Variants in ICE1 observed in about 807,000 individuals in gnomAD.
ICE1 encodes the protein interactor of little elongation complex ELL subunit 1, also known as little elongation complex subunit 1.
ICE1 carries 64 observed loss-of-function variants against 192.7 expected under a neutral mutation model. That is an observed-to-expected ratio of 0.33 (90% CI 0.27 to 0.41). ICE1 has a LOEUF of 0.41. ICE1 is among the 10% of genes least tolerant of loss of function. The pLI is 1.00. For missense variants in ICE1, 2,708 were observed against 2,696.0 expected, an observed-to-expected ratio of 1.00 and a Z score of -0.10; for synonymous variants, 1,010 against 984.5, an observed-to-expected ratio of 1.03 and a Z score of -0.49.
At chr5:5,428,928 C>T (rs989524372) in intron 1 of ICE1, among the ~76,000 whole-genome samples, 3 of 152,168 alleles carry the variant, frequency 2.0e-5, no homozygotes, top group African/African-American at 7.2e-5. Flanking sequence ...GTTGGAGTCC[C>T]TAAGACCATG....
chr5:5,427,953 CCT>C (rs1485624506), intron 1 of ICE1, among the ~76,000 whole-genome samples: 1 of 152,124 alleles, frequency 6.6e-6, no homozygotes, highest in African/African-American at 2.4e-5. Context: ...AATTGTGCCA[CCT>C]CTCTGAAGGC....
At position 5,464,466 on chromosome 5, in the gene ICE1, C is replaced by T. The variant is rs764708923; in HGVS notation, c.5132C>T (p.Pro1711Leu). The change falls in exon 13 of 19, where the codon CCG (proline) becomes CTG (leucine). Residue 1711 changes from proline (P) to leucine (L), a missense_variant. Around this residue, in one of 2 missense-constraint regions of ICE1, gnomAD observed 2,366 missense variants for 2,276.6 expected, o/e 1.04. Coordinates refer to ENST00000296564, the MANE Select transcript of ICE1 (RefSeq NM_015325.3). This position sits in a 1 kb window ranked among gnomAD's most constrained non-coding sequence, Gnocchi z 4.0. ...SAASASERVV[P>L]SPLQFCAATP... ...GCTTCAGCCAGTGAGAGGGTAGTGC[C>T]GTCTCCTCTGCAGTTCTGTGCGGCC... 30 of 1,613,846 alleles carry T rather than the reference C, an allele frequency of 1.9e-5. No individual in the cohort carries two copies. In the East Asian group the frequency reaches 5.1e-4, roughly 28 times the overall value.
At chr5:5,432,341 ATGT>A (rs1390955827) in intron 1 of ICE1, among the ~76,000 whole-genome samples, 1 of 152,230 alleles carries the variant, frequency 6.6e-6, no homozygotes, top group African/African-American at 2.4e-5. Context: ...AGGTTGGTCC[ATGT>A]TGTAGCATGT....
In ICE1 at chr5:5,422,973, T is replaced by C. The variant is rs1053835298; in HGVS notation, c.58T>C (p.Cys20Arg). The C allele has an allele frequency of 6.9e-6, 10 of 1,454,654 alleles. No individual in the cohort carries two copies. Among genetic ancestry groups the C allele is most frequent in the Non-Finnish European group, 9.0e-6 (10 of 1,105,836 alleles). The allele number at this position is 1,454,654 out of a possible 1,614,324, so 90.1% of individuals were successfully genotyped here. The change falls in exon 1 of 19, where the codon TGT becomes CGT. Residue 20 changes from cysteine to arginine, a missense_variant. Around this residue, in one of 2 missense-constraint regions of ICE1, gnomAD observed 2,366 missense variants for 2,276.6 expected, o/e 1.04. Transcript: ENST00000296564. Reference protein sequence around the residue: ...APGTAADLSRCQGCASLQQNL... With the variant: ...APGTAADLSRRQGCASLQQNL... ...CGGGACGGCGGCGGACCTGTCGCGA[T>C]GTCAGGGCTGCGCCTCTCTGCAGCA...
At chr5:5,433,013 G>C (rs1262406204) in intron 1 of ICE1, among the ~76,000 whole-genome samples, 1 of 152,124 alleles carries the variant, frequency 6.6e-6, no homozygotes, top group Admixed American at 6.5e-5. Flanking sequence ...GCCATTTATT[G>C]ATTGAAGAAT....
chr5:5,474,209 CAAAA>C (rs199608820), intron 16 of ICE1, among the ~76,000 whole-genome samples: 44 of 120,590 alleles, frequency 3.6e-4, no homozygotes, highest in Non-Finnish European at 5.7e-4. Flanking sequence ...GACTTCATCT[CAAAA>C]AAAAAAAAAA....
At chr5:5,485,034 G>C (rs750459001) in intron 17 of ICE1, among the ~76,000 whole-genome samples, 1 of 151,992 alleles carries the variant, frequency 6.6e-6, no homozygotes, top group Non-Finnish European at 1.5e-5. Context: ...GAGTGTAGGG[G>C]AATGGGGGGA....
chr5:5,452,544 A>T (rs530887472), intron 10 of ICE1, among the ~76,000 whole-genome samples: 5 of 152,080 alleles, frequency 3.3e-5, no homozygotes, highest in African/African-American at 1.2e-4. Context: ...GTACATAAAC[A>T]TGTTCCTGGA....
chr5:5,435,232 A>T (rs1297363090), intron 1 of ICE1, among the ~76,000 whole-genome samples: 1 of 152,236 alleles, frequency 6.6e-6, no homozygotes, highest in East Asian at 1.9e-4. Flanking sequence ...TTTTTGACAG[A>T]TGGTGAGATT....
chr5:5,435,687 T>TTG (rs1737853747), intron 1 of ICE1, among the ~76,000 whole-genome samples: 4 of 114,444 alleles, frequency 3.5e-5, no homozygotes, highest in African/African-American at 1.6e-4. Context: ...TGTTTTTGTT[T>TTG]TTTTTTTCGA....
chr5:5,464,611 A>C lies in ICE1; in HGVS notation c.5277A>C (p.Leu1759Phe). 1 of 1,612,034 alleles carries C rather than the reference A, an allele frequency of 6.2e-7. No homozygotes were observed. Among genetic ancestry groups the C allele is most frequent in the Non-Finnish European group, 8.5e-7 (1 of 1,178,870 alleles). The change falls in exon 13 of 19, where the codon TTA becomes TTC. Residue 1759 changes from leucine (L) to phenylalanine (F), a missense_variant. Coordinates refer to ENST00000296564, the MANE Select transcript of ICE1 (RefSeq NM_015325.3). This position sits in a 1 kb window ranked among gnomAD's most constrained non-coding sequence, Gnocchi z 4.0. Reference sequence around the variant, plus strand: ...TCCTTGACACCATGTATCCAGAGTTATCTGCCAGGGCCCGGACCCTCAACA... The same window carrying C: ...TCCTTGACACCATGTATCCAGAGTTCTCTGCCAGGGCCCGGACCCTCAACA... Reference protein sequence around the residue: ...VKILDTMYPELSARARTLNIL... With the variant: ...VKILDTMYPEFSARARTLNIL...
At chr5:5,469,505 T>C (rs1161749674) in intron 15 of ICE1, among the ~76,000 whole-genome samples, 1 of 152,216 alleles carries the variant, frequency 6.6e-6, no homozygotes, top group African/African-American at 2.4e-5. Context: ...TTCATCATTT[T>C]CTTTCATTCA....
intron 3 of ICE1, among the ~76,000 whole-genome samples, chr5:5,439,172 T>G (rs1737964961): frequency 6.6e-6 from 1 of 152,174 alleles, no homozygotes; most frequent in African/African-American, 2.4e-5. Context: ...TCATCAGGTA[T>G]TTTTTGAACT....
intron 16 of ICE1, 125 bp from the exon 17 acceptor site, chr5:5,475,848 T>C: frequency 1.5e-6 from 1 of 674,502 alleles, no homozygotes; most frequent in East Asian, 2.9e-5. Flanking sequence ...TGTTCTCACT[T>C]GAACTTACAA....
chr5:5,474,458 C>T (rs1388886854), intron 16 of ICE1, among the ~76,000 whole-genome samples: 1 of 151,984 alleles, frequency 6.6e-6, no homozygotes, highest in Non-Finnish European at 1.5e-5. Context: ...TTATCATTAT[C>T]GTAACATACA....
At chr5:5,427,209 T>C (rs1279975812) in intron 1 of ICE1, among the ~76,000 whole-genome samples, 2 of 152,232 alleles carry the variant, frequency 1.3e-5, no homozygotes, top group Admixed American at 1.3e-4. Context: ...CACAAATCAC[T>C]TCATATCTGT....
intron 10 of ICE1, among the ~76,000 whole-genome samples, chr5:5,453,796 T>C (rs1738497860): frequency 6.6e-6 from 1 of 152,238 alleles, no homozygotes; most frequent in Non-Finnish European, 1.5e-5. Context: ...TAATGTTACA[T>C]TTATTTCATT....
intron 11 of ICE1, 66 bp from the exon 12 acceptor site, chr5:5,457,263 TTTC>T: frequency 5.0e-6 from 7 of 1,408,502 alleles, no homozygotes; most frequent in Non-Finnish European, 5.7e-6. Context: ...GGTTTCTTTC[TTTC>T]TTTTTTTTTT....
intron 14 of ICE1, among the ~76,000 whole-genome samples, chr5:5,468,228 C>G (rs1035767273): frequency 6.6e-6 from 1 of 152,152 alleles, no homozygotes; most frequent in Non-Finnish European, 1.5e-5. Flanking sequence ...GACAATAGAT[C>G]AGGGCTTCTC....
Sources: allele counts gnomAD v4.1 joint callset (sites outside exome capture counted in the v4.1 genomes callset), GRCh38; gene constraint gnomAD v4.1.1; regional missense constraint gnomAD v4.1.1; non-coding constraint Gnocchi (gnomAD v3.1); transcripts MANE v1.5; gene names NCBI Gene and HGNC (gene_info 2026-07-23, HGNC 2026-07-21).